Variants in CFAP54 observed in about 807,000 individuals in gnomAD.
The protein encoded by CFAP54 is cilia and flagella associated protein 54.
CFAP54 carries 290 observed loss-of-function variants against 370.4 expected under a neutral mutation model. That is an observed-to-expected ratio of 0.78 (90% CI 0.71 to 0.86). The LOEUF is 0.86. Ranked by LOEUF, CFAP54 falls within the 40% of genes least tolerant of loss-of-function variation. The probability of loss-of-function intolerance (pLI) is 0.00; values close to 1 mark genes in which losing one functional copy is unlikely to be tolerated. For synonymous variants in CFAP54, 1,206 were observed against 1,236.5 expected (o/e 0.98, Z 0.52); for missense variants, 3,399 against 3,528.7 (o/e 0.96, Z 0.93).
chr12:96,633,649 A>G (rs1956632588), intron 32 of CFAP54, among the ~76,000 whole-genome samples: 1 of 152,206 alleles, frequency 6.6e-6, no homozygotes, highest in Non-Finnish European at 1.5e-5. Context: ...CATGGCATAA[A>G]TCTTCCATAG....
chr12:96,706,582 A>G (rs993849400), intron 47 of CFAP54, among the ~76,000 whole-genome samples: 2 of 152,150 alleles, frequency 1.3e-5, no homozygotes, highest in African/African-American at 4.8e-5. Flanking sequence ...GGCCATTGTA[A>G]CTAGGCTGTT....
intron 17 of CFAP54, 77 bp from the exon 18 acceptor site, chr12:96,564,391 T>C (rs1955844505): frequency 5.1e-6 from 3 of 591,428 alleles, no homozygotes; most frequent in Non-Finnish European, 6.0e-6. Context: ...TTATGAATAG[T>C]TACTCCTTAG....
In CFAP54 at chr12:96,503,875, T is replaced by C; in HGVS notation, c.424-11T>C. On this transcript the variant is annotated splice_polypyrimidine_tract_variant and intron_variant, in intron 2 of 67. Transcript: ENST00000524981. ...TTTTGGAACTTTAATCAAGTACTCC[T>C]TTTGTTTCAGGAATACAAACTGGCC... 6.8e-7 allele frequency: 1 copy of C among 1,469,964 alleles called. No homozygotes were observed. Among genetic ancestry groups the C allele is most frequent in the South Asian group, 1.4e-5 (1 of 72,792 alleles). The allele number at this position is 1,469,964 out of a possible 1,614,324, so 91.1% of individuals were successfully genotyped here. A position where few individuals can be genotyped will look rare whatever the true frequency, so the allele number is the denominator to read the frequency against.
chr12:96,644,196 TAGGAAAGC>T lies in CFAP54; in HGVS notation c.4338_4345del (p.Arg1446SerfsTer18). On this transcript the variant is annotated frameshift_variant, in exon 33 of 68. Transcript: ENST00000524981. LOFTEE classifies it high-confidence loss of function. ...TTGGCAGAAATAGGAGAACCAGTGT[TAGGAAAGC>T]AGCACAACGATACCTGATGGATTAC... is the stretch of plus-strand genomic sequence containing the variant. The T allele has an allele frequency of 6.5e-7, 1 of 1,535,138 alleles. No homozygotes were observed.
At chr12:96,816,859 A>G (rs1958979118) in intron 64 of CFAP54, among the ~76,000 whole-genome samples, 2 of 152,334 alleles carry the variant, frequency 1.3e-5, no homozygotes, top group Middle Eastern at 6.8e-3. Flanking sequence ...CCTTCAGGGC[A>G]TCACTGTTAA....
At chr12:96,519,402 A>G (rs975680416) in intron 6 of CFAP54, among the ~76,000 whole-genome samples, 8 of 152,084 alleles carry the variant, frequency 5.3e-5, no homozygotes, top group African/African-American at 1.7e-4. Flanking sequence ...TCCAGGCCCA[A>G]TATTTTAAAA....
In CFAP54 at chr12:96,601,515, G is replaced by A. The variant is rs181045724; in HGVS notation, c.3639+2748G>A. Among the ~76,000 whole-genome samples the A allele has an allele frequency of 2.6e-5, 4 of 152,320 alleles. No individual in the cohort carries two copies. In the East Asian group the frequency reaches 7.7e-4, roughly 29 times the overall value. ...CCCTCTTTTTCTATTGATTGGAATAGTTTCAGAAAGAATGGTGCCAGCTCC... is the reference window on the plus strand; with the variant it reads ...CCCTCTTTTTCTATTGATTGGAATAATTTCAGAAAGAATGGTGCCAGCTCC... On this transcript the variant is annotated intron_variant, in intron 26 of 67. Coordinates refer to ENST00000524981, the MANE Select transcript of CFAP54 (RefSeq NM_001306084.2).
chr12:96,726,301 G>T (rs1957834839), intron 50 of CFAP54, among the ~76,000 whole-genome samples: 2 of 152,032 alleles, frequency 1.3e-5, no homozygotes, highest in African/African-American at 2.4e-5. Flanking sequence ...GAATCCATCT[G>T]GTCCTGGACT....
chr12:96,504,028 C>T lies in CFAP54; in HGVS notation c.566C>T (p.Thr189Ile). ...KGFKDKTAGLTFHALSGKNMC... is the reference protein window; with the variant it reads ...KGFKDKTAGLIFHALSGKNMC... ...TTTAAAGATAAAACTGCTGGACTTA[C>T]AGTAAGATGAAAGAGCAGCTGAAAT... Residue 189 changes from threonine to isoleucine, a missense_variant and splice_region_variant, in exon 3 of 68, where the codon ACA becomes ATA. Coordinates refer to ENST00000524981, the MANE Select transcript of CFAP54 (RefSeq NM_001306084.2). 6.7e-7 allele frequency: 1 copy of T among 1,503,628 alleles called. No individual in the cohort carries two copies. Among genetic ancestry groups the T allele is most frequent in the Non-Finnish European group, 8.8e-7 (1 of 1,136,338 alleles). 93.1% of individuals were successfully genotyped at this position (1,503,628 alleles called of 1,614,324 possible).
chr12:96,492,319 G>A (rs973399114), intron 1 of CFAP54, among the ~76,000 whole-genome samples: 4 of 152,156 alleles, frequency 2.6e-5, no homozygotes, highest in African/African-American at 7.2e-5. Flanking sequence ...GCCTTTCTGA[G>A]CTCAGCTCAT....
chr12:96,630,266 A>G (rs1219078327), intron 31 of CFAP54, 62 bp downstream of exon 31: 3 of 842,384 alleles, frequency 3.6e-6, no homozygotes, highest in Non-Finnish European at 5.4e-6. Flanking sequence ...GTATCTAGAG[A>G]TGATTGGCTA....
rs1005248808 is a variant in CFAP54, at chr12:96,503,954, G to C, written c.492G>C (p.Glu164Asp). Reference sequence around the variant, plus strand: ...AGCAGTTCAATACCAATTTTGATGAGAATAAAGTGGATGTAACTCAATTCA... The same window carrying C: ...AGCAGTTCAATACCAATTTTGATGACAATAAAGTGGATGTAACTCAATTCA... ...YLQQFNTNFD[E>D]NKVDVTQFKA... Residue 164 changes from glutamate to aspartate, a missense_variant, in exon 3 of 68, where the codon GAG (glutamate) becomes GAC (aspartate). Transcript: ENST00000524981. 5 of 1,527,552 alleles carry C rather than the reference G, an allele frequency of 3.3e-6. No homozygotes were observed. In the African/African-American group the frequency reaches 5.5e-5, roughly 17 times the overall value. 94.6% of individuals were successfully genotyped at this position (1,527,552 alleles called of 1,614,324 possible). A position where few individuals can be genotyped will look rare whatever the true frequency, so the allele number is the denominator to read the frequency against.
intron 26 of CFAP54, among the ~76,000 whole-genome samples, chr12:96,599,895 C>A (rs1443945047): frequency 6.6e-6 from 1 of 152,090 alleles, no homozygotes; most frequent in East Asian, 1.9e-4. Context: ...TTTGTAGATT[C>A]TAGATATTAG....
intron 15 of CFAP54, among the ~76,000 whole-genome samples, chr12:96,549,331 C>T (rs902025675): frequency 9.9e-5 from 15 of 152,116 alleles, no homozygotes; most frequent in African/African-American, 3.6e-4. Context: ...AAATGGATTT[C>T]TTTTAAGGTG....
chr12:96,799,845 T>A (rs537670678), intron 63 of CFAP54, among the ~76,000 whole-genome samples: 42 of 152,298 alleles, frequency 2.8e-4, no homozygotes, highest in South Asian at 2.7e-3. Context: ...TAGCATTTTT[T>A]AAAAAGAAAT....
intron 62 of CFAP54, among the ~76,000 whole-genome samples, chr12:96,791,395 G>T (rs1214374457): frequency 6.6e-6 from 1 of 151,986 alleles, no homozygotes; most frequent in Non-Finnish European, 1.5e-5. Context: ...AACTAATTAA[G>T]TAATTTACCA....
At chr12:96,694,265 G>A (rs11108640) in intron 45 of CFAP54, among the ~76,000 whole-genome samples, 6,974 of 152,288 alleles carry the variant, frequency 0.046, 209 homozygotes, top group South Asian at 0.084. Flanking sequence ...AGTCAGTTAA[G>A]GTTCTCTGCC....
chr12:96,621,871 GTTTGTTT>G (rs1956495459), intron 27 of CFAP54, 150 bp downstream of exon 27: 10 of 51,010 alleles, frequency 2.0e-4, no homozygotes, highest in South Asian at 8.0e-4. Flanking sequence ...GAGCTTTTGG[GTTTGTTT>G]TTTTTTTTTT....
At chr12:96,801,856 T>C (rs1344010745) in intron 63 of CFAP54, among the ~76,000 whole-genome samples, 1 of 152,064 alleles carries the variant, frequency 6.6e-6, no homozygotes, top group African/African-American at 2.4e-5. Flanking sequence ...GTGGGCTGAG[T>C]TTGGGCTGAC....
Sources: gnomAD v4.1 joint callset for allele counts (sites outside exome capture counted in the v4.1 genomes callset) on GRCh38, gnomAD v4.1.1 for gene constraint, MANE v1.5 for transcripts, NCBI Gene and HGNC (gene_info 2026-07-23, HGNC 2026-07-21) for gene names.